Variants in SLC44A5 observed in about 807,000 individuals in gnomAD.
SLC44A5 encodes the protein choline transporter-like protein 5.
In SLC44A5, 57 loss-of-function variants were observed where a neutral mutation model predicts 101.8. The ratio of observed to expected loss-of-function variants is 0.56; its 90% confidence interval spans 0.45 to 0.70. The LOEUF is 0.70. Ranked by LOEUF, SLC44A5 falls within the 30% of genes least tolerant of loss-of-function variation. The probability of loss-of-function intolerance (pLI) is 0.00; values close to 1 mark genes in which losing one functional copy is unlikely to be tolerated. For synonymous variants in SLC44A5, 281 were observed against 290.9 expected, an observed-to-expected ratio of 0.97 and a Z score of 0.35; for missense variants, 737 against 853.1, an observed-to-expected ratio of 0.86 and a Z score of 1.70.
intron 6 of SLC44A5, among the ~76,000 whole-genome samples, chr1:75,261,929 G>A (rs138226467): frequency 0.02 from 3,063 of 152,134 alleles, 44 homozygotes; most frequent in Non-Finnish European, 0.033. Flanking sequence ...AAAGGCCTTC[G>A]ACAAAATTCA....
At chr1:75,580,670 C>G (rs1372221445) in intron 1 of SLC44A5, among the ~76,000 whole-genome samples, 1 of 152,068 alleles carries the variant, frequency 6.6e-6, no homozygotes, top group Non-Finnish European at 1.5e-5. Context: ...ACAACCCTGT[C>G]TCTGCTAAAA....
At position 75,235,081 on chromosome 1, in the gene SLC44A5, A is replaced by T. The variant is rs17096492; in HGVS notation, c.741-983T>A. Among the ~76,000 whole-genome samples, 732 of 152,202 alleles carry T rather than the reference A, an allele frequency of 4.8e-3. 11 individuals carry two copies. The highest frequency in any genetic ancestry group is 0.016 in the African/African-American group (682 of 41,560). On this transcript the variant is annotated intron_variant, in intron 11 of 23. Coordinates refer to ENST00000370859, the MANE Select transcript of SLC44A5 (RefSeq NM_001130058.2). ...AATTACTGTCACTGGATAGATGACA[A>T]CACAGTATTGAAGTATCATGGTCTT...
At chr1:75,709,166 T>TTAACCTA in the SLC44A5 span, among the ~76,000 whole-genome samples, 3 of 152,212 alleles carry the variant, frequency 2.0e-5, no homozygotes, top group Non-Finnish European at 4.4e-5. Context: ...CCATGACTCT[T>TTAACCTA]TAACCTATAA....
intron 2 of SLC44A5, among the ~76,000 whole-genome samples, chr1:75,457,614 T>C (rs1666260314): frequency 6.6e-6 from 1 of 152,134 alleles, no homozygotes; most frequent in South Asian, 2.1e-4. Flanking sequence ...TCTCAGCACT[T>C]TGGGAGGCCG....
rs182383433 is a variant in SLC44A5 at position 75,319,540 on chromosome 1, G to A, written c.102-18855C>T. Among the ~76,000 whole-genome samples the A allele has an allele frequency of 2.0e-5, 3 of 152,230 alleles. No homozygotes were observed. The East Asian group carries it at 5.8e-4, about 29-fold the overall frequency. Reference sequence around the variant, plus strand: ...CATTATCAGTTGTTCTAAAGACAGTGAAAGAAAAAGATCTTAAGTCCAAGA... The same window carrying A: ...CATTATCAGTTGTTCTAAAGACAGTAAAAGAAAAAGATCTTAAGTCCAAGA... On this transcript the variant is annotated intron_variant, in intron 4 of 23. Coordinates refer to ENST00000370859, the MANE Select transcript of SLC44A5 (RefSeq NM_001130058.2).
intron 10 of SLC44A5, among the ~76,000 whole-genome samples, chr1:75,237,524 G>T (rs616827): frequency 0.71 from 107,552 of 151,924 alleles, 38,325 homozygotes; most frequent in East Asian, 0.93. Flanking sequence ...TTATCAAAGT[G>T]AACACATTTA....
At chr1:75,253,927 A>C (rs1184746283) in intron 6 of SLC44A5, among the ~76,000 whole-genome samples, 1 of 152,128 alleles carries the variant, frequency 6.6e-6, no homozygotes, top group African/African-American at 2.4e-5. Context: ...TGTTTTTGAA[A>C]ATATTTATCT....
chr1:75,274,838 G>A (rs1225374775), intron 6 of SLC44A5, 120 bp downstream of exon 6: 3 of 772,502 alleles, frequency 3.9e-6, no homozygotes, highest in Non-Finnish European at 6.3e-6. Context: ...AAAAAGGGAG[G>A]GAAGGCTTCC....
chr1:75,659,490 A>AAGGAAGGAAGGCAGGC, the SLC44A5 span, among the ~76,000 whole-genome samples: 1 of 42,294 alleles, frequency 2.4e-5, no homozygotes, highest in African/African-American at 5.2e-5. Context: ...GGAAGGAAGG[A>AAGGAAGGAAGGCAGGC]AGGCAGGCAG....
At chr1:75,404,716 A>G (rs1481738764) in intron 2 of SLC44A5, among the ~76,000 whole-genome samples, 1 of 152,256 alleles carries the variant, frequency 6.6e-6, no homozygotes, top group African/African-American at 2.4e-5. Flanking sequence ...ATGGAAAGGA[A>G]AAACCAGTAC....
intron 3 of SLC44A5, among the ~76,000 whole-genome samples, chr1:75,386,008 A>G (rs947729230): frequency 6.6e-6 from 1 of 152,086 alleles, no homozygotes; most frequent in African/African-American, 2.4e-5. Flanking sequence ...AAATTCAACA[A>G]CCCCTCATGC....
chr1:75,593,525 T>C (rs961863830), intron 1 of SLC44A5, among the ~76,000 whole-genome samples: 10 of 152,112 alleles, frequency 6.6e-5, no homozygotes, highest in Admixed American at 2.0e-4. Flanking sequence ...ATCAAAGAGA[T>C]ATATGCACTC....
At chr1:75,552,483 A>G (rs1671989772) in intron 1 of SLC44A5, among the ~76,000 whole-genome samples, 1 of 151,930 alleles carries the variant, frequency 6.6e-6, no homozygotes, top group Non-Finnish European at 1.5e-5. Flanking sequence ...AAAAAAATAT[A>G]TAGGCTGAAA....
At chr1:75,383,504 G>GA (rs916928674) in intron 3 of SLC44A5, among the ~76,000 whole-genome samples, 54 of 152,142 alleles carry the variant, frequency 3.5e-4, no homozygotes, top group African/African-American at 1.3e-3. Context: ...GAAGTTTAGA[G>GA]AAAAAAGAAT....
the SLC44A5 span, among the ~76,000 whole-genome samples, chr1:75,658,906 G>A: frequency 2.0e-5 from 3 of 151,660 alleles, no homozygotes; most frequent in Non-Finnish European, 4.4e-5. Context: ...AAAGAGACAA[G>A]ACTCAAAGAA....
the SLC44A5 span, among the ~76,000 whole-genome samples, chr1:75,723,220 C>A: frequency 1.3e-5 from 2 of 152,150 alleles, no homozygotes; most frequent in South Asian, 4.1e-4. Flanking sequence ...GCTCTCGTGG[C>A]AAGACTACTA....
At chr1:75,337,346 A>G (rs1367123414) in intron 4 of SLC44A5, among the ~76,000 whole-genome samples, 1 of 152,224 alleles carries the variant, frequency 6.6e-6, no homozygotes, top group Non-Finnish European at 1.5e-5. Context: ...CAGGAAGAGA[A>G]ACAGTGGATT....
At chr1:75,256,728 G>T (rs939164164) in intron 6 of SLC44A5, among the ~76,000 whole-genome samples, 1 of 152,082 alleles carries the variant, frequency 6.6e-6, no homozygotes, top group African/African-American at 2.4e-5. Context: ...GGACAGAAGG[G>T]TAGGGGTGAT....
intron 2 of SLC44A5, among the ~76,000 whole-genome samples, chr1:75,512,943 CG>C: frequency 6.6e-6 from 1 of 152,268 alleles, no homozygotes; most frequent in East Asian, 1.9e-4. Flanking sequence ...TCATAGTATT[CG>C]GGACTTTTTC....
Sources: allele counts gnomAD v4.1 joint callset (sites outside exome capture counted in the v4.1 genomes callset), GRCh38; gene constraint gnomAD v4.1.1; transcripts MANE v1.5; gene names NCBI Gene and HGNC (gene_info 2026-07-23, HGNC 2026-07-21).